POGLUT2: variants seen among roughly 807,000 people sequenced by gnomAD.
POGLUT2 encodes ER protein 58.
POGLUT2 carries 47 observed loss-of-function variants against 57.6 expected under a neutral mutation model. That is an observed-to-expected ratio of 0.82 (90% CI 0.65 to 1.04). The LOEUF (loss-of-function observed/expected upper bound fraction) is 1.04, where lower values mean the gene tolerates loss of function less well. Among genes scored for constraint, POGLUT2 ranks in the 50% least tolerant of loss-of-function variants. POGLUT2 has a pLI of 0.00. For synonymous variants in POGLUT2, 200 were observed against 218.8 expected (o/e 0.91, Z 0.76); for missense variants, 565 against 614.8 (o/e 0.92, Z 0.86).
rs541783466 is a variant in POGLUT2 at position 102,785,517 on chromosome 13, TCAAA to T, written c.1491+711_1491+714del. Among the ~76,000 whole-genome samples the T allele has an allele frequency of 3.2e-3, 488 of 151,020 alleles. 4 individuals carry two copies. Among genetic ancestry groups the T allele is most frequent in the African/African-American group, 0.011 (471 of 41,092 alleles). ...TCTAGTTTATGCAATTTACATTCCT[TCAAA>T]CAAACAAAAATCATAATCAAAGCAA... On this transcript the variant is annotated intron_variant, in intron 9 of 9. Transcript: ENST00000376004.
Position 102,791,570 on chromosome 13 carries a change from T to C in POGLUT2, c.673-140A>G, listed in dbSNP as rs181996920. ...GTAATAATAATTACCTTGGTTTGAA[T>C]AGTGGGCAATGTTTCAGAATATGGT... On this transcript the variant is annotated intron_variant, in intron 4 of 9. Transcript: ENST00000376004. 2.5e-4 allele frequency: 199 copies of C among 811,792 alleles called. 2 individuals are homozygous for C. In the Admixed American group the frequency reaches 5.6e-3, roughly 23 times the overall value. The allele number at this position is 811,792 out of a possible 1,614,324, so 50.3% of individuals were successfully genotyped here. A position where few individuals can be genotyped will look rare whatever the true frequency, so the allele number is the denominator to read the frequency against.
chr13:102,792,079 T>A, intron 4 of POGLUT2: 7 of 1,287,880 alleles, frequency 5.4e-6, no homozygotes, highest in Non-Finnish European at 7.1e-6. Flanking sequence ...AAGAGAAGTA[T>A]GACGGTACTC....
intron 9 of POGLUT2, among the ~76,000 whole-genome samples, chr13:102,784,812 C>G (rs1216307359): frequency 6.6e-6 from 1 of 152,144 alleles, no homozygotes; most frequent in Non-Finnish European, 1.5e-5. Context: ...ATAAACGAAG[C>G]TATCATTCTG....
chr13:102,793,235 T>C (rs1217123922), intron 4 of POGLUT2, 106 bp downstream of exon 4: 4 of 672,066 alleles, frequency 6.0e-6, no homozygotes, highest in African/African-American at 1.9e-5. Context: ...ATCATAAGGC[T>C]CCAGAAGAGA....
At chr13:102,784,631 CT>C in intron 9 of POGLUT2, 119 bp from the exon 10 acceptor site, 1 of 654,730 alleles carries the variant, frequency 1.5e-6, no homozygotes, top group Non-Finnish European at 2.8e-6. Context: ...CTGCTAGAGG[CT>C]TTTAGGGCTT....
Position 102,796,459 on chromosome 13 carries a change from T to A in POGLUT2, c.388+345A>T, listed in dbSNP as rs112960830. On this transcript the variant is annotated intron_variant, in intron 2 of 9. Transcript: ENST00000376004. The stretch of plus-strand genomic sequence containing the variant: ...TGATCTACCTAATTTCAATAACACT[T>A]ATCAGTTACTTAAGTCATATATTTC... Among the ~76,000 whole-genome samples, 805 of 151,446 alleles carry A rather than the reference T, an allele frequency of 5.3e-3. 13 individuals are homozygous for A. The highest frequency in any genetic ancestry group is 0.018 in the African/African-American group (764 of 41,476).
In POGLUT2 at chr13:102,798,747, G is replaced by C; in HGVS notation, c.-77C>G. The C allele has an allele frequency of 1.4e-6, 2 of 1,388,104 alleles. No individual in the cohort carries two copies. Among genetic ancestry groups the C allele is most frequent in the Non-Finnish European group, 9.5e-7 (1 of 1,048,608 alleles). The allele number at this position is 1,388,104 out of a possible 1,614,324, so 86.0% of individuals were successfully genotyped here. A position where few individuals can be genotyped will look rare whatever the true frequency, so the allele number is the denominator to read the frequency against. Reference sequence around the variant, plus strand: ...GGTGGACAGAAGCAGCCGAGCCTTCGGCAGGGACCCGCCGGCCGATCGCAG... The same window carrying C: ...GGTGGACAGAAGCAGCCGAGCCTTCCGCAGGGACCCGCCGGCCGATCGCAG... On this transcript the variant is annotated 5_prime_UTR_variant, in exon 1 of 10. Transcript: ENST00000376004.
Position 102,788,411 on chromosome 13 carries a change from G to A in POGLUT2, c.1294-488C>T, listed in dbSNP as rs141278855. 3.8e-3 allele frequency among the ~76,000 whole-genome samples: 577 copies of A among 152,332 alleles called. 2 individuals carry two copies. The highest frequency in any genetic ancestry group is 0.013 in the African/African-American group (537 of 41,580). On this transcript the variant is annotated intron_variant, in intron 7 of 9. Transcript: ENST00000376004. ...CACATTGCTAGCGGAGGCAATGCTT[G>A]TGGCTCAGAGCAACGCTACTTGAAA... is the stretch of plus-strand genomic sequence containing the variant.
At position 102,786,307 on chromosome 13, in the gene POGLUT2, T is replaced by G; in HGVS notation, c.1416A>C (p.Gln472His). 1.2e-6 allele frequency: 2 copies of G among 1,613,876 alleles called. No individual in the cohort carries two copies. The highest frequency in any genetic ancestry group is 1.7e-6 in the Non-Finnish European group (2 of 1,179,732). The change falls in exon 9 of 10, where the codon CAA (glutamine) becomes CAC (histidine). Residue 472 changes from glutamine to histidine, a missense_variant. Physicochemically the swap from Gln to His is conservative, Grantham distance 24. Coordinates refer to ENST00000376004, the MANE Select transcript of POGLUT2 (RefSeq NM_024089.3). The stretch of plus-strand genomic sequence containing the variant: ...CTACCCTTTTCATGCCCTCTCGGAT[T>G]TGGGGCTCACTCACTTGTAAATTGG... ...EYANLQVSEP[Q>H]IREGMKRVEP...
chr13:102,784,827 C>T (rs2139076744), intron 9 of POGLUT2, among the ~76,000 whole-genome samples: 1 of 152,290 alleles, frequency 6.6e-6, no homozygotes, highest in African/African-American at 2.4e-5. Flanking sequence ...ATTCTGGCCC[C>T]TAACTTCTAC....
chr13:102,796,643 T>G (rs1222782850), intron 2 of POGLUT2, among the ~76,000 whole-genome samples, 161 bp downstream of exon 2: 2 of 147,628 alleles, frequency 1.4e-5, no homozygotes, highest in African/African-American at 5.0e-5. Context: ...GACTCATAAC[T>G]TAGCTTTCAA....
rs1235365916 is a variant in POGLUT2 at position 102,791,264 on chromosome 13, A to G, written c.839T>C (p.Met280Thr). The G allele has an allele frequency of 1.2e-6, 2 of 1,602,586 alleles. No individual in the cohort carries two copies. The highest frequency in any genetic ancestry group is 1.7e-4 in the Middle Eastern group (1 of 5,970). Residue 280 changes from methionine to threonine, a missense_variant, in exon 5 of 10, where the codon ATG (methionine) becomes ACG (threonine). Coordinates refer to ENST00000376004, the MANE Select transcript of POGLUT2 (RefSeq NM_024089.3). ...ACCCTGACTTATCTCTCACCGGCCC[A>G]TGGTTTCCAGAACAGAATCAGTCAA... Reference protein sequence around the residue: ...YDLTDSVLETMGRVSLDMMSV... With the variant: ...YDLTDSVLETTGRVSLDMMSV...
rs955939689 is a variant in POGLUT2 at position 102,791,074 on chromosome 13, T to C, written c.910A>G (p.Thr304Ala). Reference protein sequence around the residue: ...TGPPWESKNSTAVWRGRDSRK... With the variant: ...TGPPWESKNSAAVWRGRDSRK... ...CTGTCTCGCCCTCTCCAGACGGCAG[T>C]GGAATTTTTGCTTTCCCAGGGAGGA... Residue 304 changes from threonine to alanine, a missense_variant, in exon 6 of 10, where the codon ACT becomes GCT. Physicochemically the swap from Thr to Ala is moderately conservative, Grantham distance 58. Transcript: ENST00000376004. 3.1e-6 allele frequency: 5 copies of C among 1,614,204 alleles called. No individual in the cohort carries two copies. Among genetic ancestry groups the C allele is most frequent in the Non-Finnish European group, 4.2e-6 (5 of 1,180,032 alleles).
Position 102,784,527 on chromosome 13 carries a change from C to G in POGLUT2, c.1492-15G>C, listed in dbSNP as rs567206080. Reference sequence around the variant, plus strand: ...TCATCTTTGGTCTGCAATTAAGAAGCAAAATATTTAGAGCTATCAAGAAGT... The same window carrying G: ...TCATCTTTGGTCTGCAATTAAGAAGGAAAATATTTAGAGCTATCAAGAAGT... On this transcript the variant is annotated splice_polypyrimidine_tract_variant and intron_variant, in intron 9 of 9. Coordinates refer to ENST00000376004, the MANE Select transcript of POGLUT2 (RefSeq NM_024089.3). The G allele has an allele frequency of 2.7e-6, 4 of 1,490,756 alleles. No individual in the cohort carries two copies. The South Asian group carries it at 4.6e-5, about 17-fold the overall frequency. The allele number at this position is 1,490,756 out of a possible 1,614,324, so 92.3% of individuals were successfully genotyped here. A position where few individuals can be genotyped will look rare whatever the true frequency, so the allele number is the denominator to read the frequency against.
chr13:102,791,123 C>G lies in POGLUT2; in HGVS notation c.861G>C (p.Met287Ile), dbSNP rs1298986347. The change falls in exon 6 of 10, where the codon ATG (methionine) becomes ATC (isoleucine). Residue 287 changes from methionine (M) to isoleucine (I), a missense_variant. Transcript: ENST00000376004. The stretch of plus-strand genomic sequence containing the variant: ...GACCCGTGTTAGCTTGCACGGACAT[C>G]ATATCCAGACTTACCCTAGAAGACA... ...LETMGRVSLDMMSVQANTGPP... is the reference protein window; with the variant it reads ...LETMGRVSLDIMSVQANTGPP... 6.2e-7 allele frequency: 1 copy of G among 1,613,894 alleles called. No individual in the cohort carries two copies. The highest frequency in any genetic ancestry group is 1.3e-5 in the African/African-American group (1 of 74,902).
chr13:102,796,253 C>T (rs889246766), intron 2 of POGLUT2, among the ~76,000 whole-genome samples: 29 of 147,760 alleles, frequency 2.0e-4, no homozygotes, highest in African/African-American at 6.6e-4. Flanking sequence ...CAAGACTGCG[C>T]CATTGCACTC....
intron 9 of POGLUT2, among the ~76,000 whole-genome samples, chr13:102,785,630 A>G (rs1877912012): frequency 6.6e-6 from 1 of 152,184 alleles, no homozygotes; most frequent in African/African-American, 2.4e-5. Context: ...GCTTTGCTAT[A>G]ATCCAGCTAG....
chr13:102,789,927 G>A (rs1878105378), intron 6 of POGLUT2, among the ~76,000 whole-genome samples: 1 of 152,096 alleles, frequency 6.6e-6, no homozygotes, highest in South Asian at 2.1e-4. Flanking sequence ...CCAGACATAT[G>A]TCTTAAAGAA....
At chr13:102,793,888 C>T in intron 2 of POGLUT2, 82 bp from the exon 3 acceptor site, 1 of 1,254,786 alleles carries the variant, frequency 8.0e-7, no homozygotes, top group Non-Finnish European at 1.2e-6. Context: ...TATAATGTGG[C>T]TTCATGAATT....
Sources: gnomAD v4.1 joint callset for allele counts (sites outside exome capture counted in the v4.1 genomes callset) on GRCh38, gnomAD v4.1.1 for gene constraint, MANE v1.5 for transcripts, NCBI Gene and HGNC (gene_info 2026-07-23, HGNC 2026-07-21) for gene names.